The following LRRC51 variants were observed in gnomAD, a reference collection of about 807,000 sequenced individuals.
LRRC51 encodes leucine rich repeat containing 51, also known as leucine-rich repeat-containing protein 51.
LRRC51 carries 8 observed loss-of-function variants against 17.8 expected under a neutral mutation model. The ratio of observed to expected loss-of-function variants is 0.45; its 90% CI spans 0.26 to 0.81. LRRC51 has a LOEUF of 0.81. LRRC51 is among the 30% of genes least tolerant of loss of function. LRRC51 has a pLI of 0.17. For synonymous variants in LRRC51, 92 were observed against 96.0 expected, an observed-to-expected ratio of 0.96 and a Z score of 0.24; for missense variants, 233 against 239.3, an observed-to-expected ratio of 0.97 and a Z score of 0.17.
chr11:72,093,878 TACTG>T (rs1177849127), intron 4 of LRRC51, among the ~76,000 whole-genome samples, 177 bp downstream of exon 4: 1 of 152,206 alleles, frequency 6.6e-6, no homozygotes, highest in African/African-American at 2.4e-5. Flanking sequence ...GTTTGCCTCT[TACTG>T]ACTGTGACTT....
intron 3 of LRRC51, chr11:72,089,735 C>G: frequency 2.1e-6 from 1 of 480,664 alleles, no homozygotes; most frequent in Non-Finnish European, 3.1e-6. Flanking sequence ...CCAGCCAAAT[C>G]CAAGTTTATT....
At chr11:72,091,067 A>AGAG (rs1234465760) in intron 3 of LRRC51, among the ~76,000 whole-genome samples, 1 of 152,178 alleles carries the variant, frequency 6.6e-6, no homozygotes, top group Non-Finnish European at 1.5e-5. Flanking sequence ...GTGGAATCTG[A>AGAG]GAGGAGCAGC....
intron 4 of LRRC51, chr11:72,094,724 CCA>C (rs962053730): frequency 1.7e-5 from 15 of 871,708 alleles, no homozygotes; most frequent in Non-Finnish European, 2.8e-5. Context: ...GTACCCAGGC[CCA>C]CACTCCTGAC....
At chr11:72,086,171 A>G (rs1482608815) in intron 1 of LRRC51, 2 of 506,154 alleles carry the variant, frequency 4.0e-6, no homozygotes, top group African/African-American at 3.9e-5. Context: ...TGGAAAAGAA[A>G]GGCTTTATAG....
In LRRC51 at chr11:72,093,373, G is replaced by A. The variant is rs117591337; in HGVS notation, c.83-123G>A. The stretch of plus-strand genomic sequence containing the variant: ...GGGTTGCACTAGACTCAGGCACAGG[G>A]CTATGGCCCTTCCAGACCCTCCAGC... On this transcript the variant is annotated intron_variant, in intron 3 of 5. Coordinates refer to ENST00000289488, the MANE Select transcript of LRRC51 (RefSeq NM_145309.6). 8.7e-4 allele frequency: 795 copies of A among 913,514 alleles called. 7 individuals carry two copies. The East Asian group carries it at 0.017, about 20-fold the overall frequency. 56.6% of individuals were successfully genotyped at this position (913,514 alleles called of 1,614,324 possible).
chr11:72,087,232 T>C (rs1484813144), intron 1 of LRRC51, among the ~76,000 whole-genome samples: 2 of 151,996 alleles, frequency 1.3e-5, no homozygotes, highest in East Asian at 3.8e-4. Context: ...ACATGAACTG[T>C]ATTAGGCTTA....
intron 1 of LRRC51, among the ~76,000 whole-genome samples, chr11:72,084,438 G>A (rs905462807): frequency 5.9e-5 from 9 of 152,106 alleles, no homozygotes; most frequent in Admixed American, 2.0e-4. Flanking sequence ...ATTAAAGTAC[G>A]ATACATAGTA....
intron 1 of LRRC51, chr11:72,083,997 A>G (rs1405778593): frequency 6.6e-6 from 1 of 152,102 alleles, no homozygotes; most frequent in Non-Finnish European, 1.5e-5. Flanking sequence ...TATGTGGCAG[A>G]TTTTTCTTCT....
chr11:72,092,394 C>T (rs1181916651), intron 3 of LRRC51, among the ~76,000 whole-genome samples: 1 of 152,212 alleles, frequency 6.6e-6, no homozygotes, highest in African/African-American at 2.4e-5. Flanking sequence ...CCTTTACATC[C>T]AGTCAACCAA....
intron 4 of LRRC51, chr11:72,094,529 T>C (rs1741870960): frequency 1.7e-6 from 1 of 599,120 alleles, no homozygotes; most frequent in Non-Finnish European, 3.0e-6. Context: ...GGAGCATGAC[T>C]TGGACACTAT....
At chr11:72,088,622 A>T (rs670802) in intron 2 of LRRC51, 7 of 570,484 alleles carry the variant, frequency 1.2e-5, no homozygotes, top group African/African-American at 9.4e-5. Context: ...GTTGATGTCA[A>T]CAGAGGGTGG....
At chr11:72,085,576 A>T (rs1944484999) in intron 1 of LRRC51, 1 of 152,196 alleles carries the variant, frequency 6.6e-6, no homozygotes, top group South Asian at 2.1e-4. Flanking sequence ...TTCTCAAGGT[A>T]GGGTTTGTCT....
chr11:72,083,114 C>T (rs1944337672), intron 1 of LRRC51, among the ~76,000 whole-genome samples: 1 of 152,210 alleles, frequency 6.6e-6, no homozygotes, highest in Non-Finnish European at 1.5e-5. Flanking sequence ...ATCTGCCCAC[C>T]TTGGCCTCCC....
At chr11:72,088,940 T>G in intron 2 of LRRC51, 89 bp from the exon 3 acceptor site, 1 of 1,463,266 alleles carries the variant, frequency 6.8e-7, no homozygotes, top group Non-Finnish European at 9.4e-7. Context: ...AGGCCTAGAG[T>G]AGTAGAGGAC....
intron 1 of LRRC51, among the ~76,000 whole-genome samples, chr11:72,082,461 C>T (rs1306811130): frequency 2.0e-5 from 3 of 152,158 alleles, no homozygotes; most frequent in African/African-American, 7.2e-5. Flanking sequence ...TATCTCAAGC[C>T]CAGCCCTCAT....
intron 1 of LRRC51, among the ~76,000 whole-genome samples, chr11:72,082,860 C>G (rs751842079): frequency 6.6e-6 from 1 of 151,960 alleles, no homozygotes; most frequent in Non-Finnish European, 1.5e-5. Flanking sequence ...CTACCCCACC[C>G]CCAATTTTTT....
intron 1 of LRRC51, among the ~76,000 whole-genome samples, chr11:72,087,248 A>T (rs1944582916): frequency 6.6e-6 from 1 of 151,800 alleles, no homozygotes; most frequent in Non-Finnish European, 1.5e-5. Flanking sequence ...GCTTAAACTG[A>T]ATTATAAGAT....
At chr11:72,087,854 C>T (rs750205472) in intron 1 of LRRC51, among the ~76,000 whole-genome samples, 9 of 152,160 alleles carry the variant, frequency 5.9e-5, no homozygotes, top group Non-Finnish European at 8.8e-5. Context: ...CTTATTTTGG[C>T]TACTAGAAAA....
chr11:72,084,796 C>G (rs1372096534), intron 1 of LRRC51, among the ~76,000 whole-genome samples: 2 of 134,478 alleles, frequency 1.5e-5, no homozygotes, highest in Non-Finnish European at 3.0e-5. Flanking sequence ...GAGGTAGCAC[C>G]ATTGCACTCC....
Sources: gnomAD v4.1 joint callset for allele counts (sites outside exome capture counted in the v4.1 genomes callset) on GRCh38, gnomAD v4.1.1 for gene constraint, MANE v1.5 for transcripts, NCBI Gene and HGNC (gene_info 2026-07-23, HGNC 2026-07-21) for gene names.